The following ZNHIT3 variants were observed in gnomAD, a reference collection of about 807,000 sequenced individuals.
ZNHIT3 encodes the protein zinc finger HIT-type containing 3.
In ZNHIT3, 27 loss-of-function variants were observed where a neutral mutation model predicts 19.9. The observed-to-expected ratio is 1.36, with a 90% CI of 1.00 to 1.87. The LOEUF is 1.87. Ranked by LOEUF, ZNHIT3 falls within the 40% of genes most tolerant of loss-of-function variation. The probability of loss-of-function intolerance (pLI) is 0.00; values close to 1 mark genes in which losing one functional copy is unlikely to be tolerated. For synonymous variants in ZNHIT3, 81 were observed against 65.7 expected (o/e 1.23, Z -1.13); for missense variants, 215 against 185.6 (o/e 1.16, Z -0.92).
downstream of ZNHIT3, among the ~76,000 whole-genome samples, chr17:36,497,011 TGCTG>T (rs933479872): frequency 6.6e-6 from 1 of 152,062 alleles, no homozygotes; most frequent in Admixed American, 6.6e-5. Context: ...TTCCTGAGTG[TGCTG>T]GCTGACTTTT....
At chr17:36,491,664 G>A (rs1599149551) in intron 2 of ZNHIT3, 2 of 152,098 alleles carry the variant, frequency 1.3e-5, no homozygotes, top group Non-Finnish European at 2.9e-5. Flanking sequence ...TTTATTCCTA[G>A]GTAGGTGATC....
intron 4 of ZNHIT3, among the ~76,000 whole-genome samples, chr17:36,494,305 T>G (rs946349614): frequency 6.6e-6 from 1 of 152,214 alleles, no homozygotes; most frequent in African/African-American, 2.4e-5. Context: ...CTTTCAGAAT[T>G]AGGCACTTTT....
downstream of ZNHIT3, chr17:36,496,410 G>C (rs763971586): frequency 6.2e-7 from 1 of 1,613,838 alleles, no homozygotes; most frequent in South Asian, 1.1e-5. Flanking sequence ...TCGATCCCTA[G>C]AGGGGAGAGA....
downstream of ZNHIT3, chr17:36,498,740 C>A: frequency 1.5e-6 from 1 of 654,092 alleles, no homozygotes. Flanking sequence ...ACACCCCAGG[C>A]AACTGTGCTT....
chr17:36,487,300 C>T (rs2070592222), intron 2 of ZNHIT3, among the ~76,000 whole-genome samples: 2 of 152,200 alleles, frequency 1.3e-5, no homozygotes, highest in Non-Finnish European at 2.9e-5. Context: ...GTTTCTTCCT[C>T]AGTATTCTGA....
chr17:36,496,639 G>A (rs1673167195), downstream of ZNHIT3, among the ~76,000 whole-genome samples: 2 of 152,162 alleles, frequency 1.3e-5, no homozygotes, highest in Admixed American at 1.3e-4. Context: ...ACTGCTTAAA[G>A]CCAGAAGGGC....
intron 2 of ZNHIT3, chr17:36,489,267 C>T (rs1416196626): frequency 2.6e-5 from 4 of 152,178 alleles, no homozygotes; most frequent in African/African-American, 9.7e-5. Flanking sequence ...GTGCAGGTAT[C>T]TCTTCGGCAG....
chr17:36,492,517 C>T, intron 2 of ZNHIT3: 1 of 375,814 alleles, frequency 2.7e-6, no homozygotes, highest in Non-Finnish European at 4.8e-6. Context: ...TGGTTTACAG[C>T]AGCTATTTCA....
Position 36,495,539 on chromosome 17 carries a change from G to T in ZNHIT3, c.*135G>T. 7.4e-7 allele frequency: 1 copy of T among 1,345,386 alleles called. No homozygotes were observed. Among genetic ancestry groups the T allele is most frequent in the Non-Finnish European group, 9.5e-7 (1 of 1,051,922 alleles). The allele number at this position is 1,345,386 out of a possible 1,614,324, so 83.3% of individuals were successfully genotyped here. On this transcript the variant is annotated 3_prime_UTR_variant, in exon 5 of 5. Transcript: ENST00000617429. Reference sequence around the variant, plus strand: ...TCCAGGATGCAGATTAGGTCATGCAGGCCTTTACCGGCATTGATGTGGCTC... The same window carrying T: ...TCCAGGATGCAGATTAGGTCATGCATGCCTTTACCGGCATTGATGTGGCTC...
At chr17:36,493,823 A>G in intron 3 of ZNHIT3, 103 bp from the exon 4 acceptor site, 1 of 783,958 alleles carries the variant, frequency 1.3e-6, no homozygotes, top group Non-Finnish European at 2.2e-6. Flanking sequence ...TATCACTATC[A>G]CATGTGCGTG....
chr17:36,496,521 G>A, downstream of ZNHIT3: 1 of 929,734 alleles, frequency 1.1e-6, no homozygotes. Context: ...TACTAGTATT[G>A]GGGGCCACAG....
chr17:36,495,814 A>C lies in ZNHIT3; in HGVS notation c.*410A>C. The C allele has an allele frequency of 8.1e-7, 1 of 1,241,502 alleles. No individual in the cohort carries two copies. Among genetic ancestry groups the C allele is most frequent in the African/African-American group, 1.5e-5 (1 of 64,720 alleles). The allele number at this position is 1,241,502 out of a possible 1,614,324, so 76.9% of individuals were successfully genotyped here. A position where few individuals can be genotyped will look rare whatever the true frequency, so the allele number is the denominator to read the frequency against. Reference sequence around the variant, plus strand: ...TTACATTAAATAAATCAACTAATTAAATACTAAAGTTTTGTTCCTTTTTAA... The same window carrying C: ...TTACATTAAATAAATCAACTAATTACATACTAAAGTTTTGTTCCTTTTTAA... On this transcript the variant is annotated 3_prime_UTR_variant, in exon 5 of 5. Transcript: ENST00000617429.
intron 2 of ZNHIT3, among the ~76,000 whole-genome samples, chr17:36,487,940 T>G (rs543572567): frequency 2.7e-5 from 4 of 148,586 alleles, no homozygotes; most frequent in Non-Finnish European, 4.5e-5. Context: ...CCCGTCTCTA[T>G]AAACAAACAA....
intron 2 of ZNHIT3, among the ~76,000 whole-genome samples, chr17:36,488,049 G>C (rs2070622763): frequency 7.6e-6 from 1 of 131,218 alleles, no homozygotes; most frequent in South Asian, 2.5e-4. Flanking sequence ...AGTGAGCCAG[G>C]ATCGTACCAC....
At chr17:36,492,969 G>C (rs1170110956) in intron 3 of ZNHIT3, 70 bp downstream of exon 3, 1 of 1,425,504 alleles carries the variant, frequency 7.0e-7, no homozygotes, top group African/African-American at 1.4e-5. Flanking sequence ...AAAGGGGAGA[G>C]TGGGGCTGGT....
intron 4 of ZNHIT3, 73 bp downstream of exon 4, chr17:36,494,079 G>A: frequency 1.6e-6 from 2 of 1,254,450 alleles, no homozygotes; most frequent in South Asian, 2.5e-5. Context: ...TTTTTAAAAA[G>A]TTTTTAATTT....
At chr17:36,492,623 C>G (rs1317582662) in intron 2 of ZNHIT3, 190 bp from the exon 3 acceptor site, 2 of 604,592 alleles carry the variant, frequency 3.3e-6, no homozygotes, top group Non-Finnish European at 5.9e-6. Flanking sequence ...GTCCTGCTTT[C>G]TCAGCCTGCT....
chr17:36,495,653 A>T lies in ZNHIT3; in HGVS notation c.*249A>T, dbSNP rs1023297377. On this transcript the variant is annotated 3_prime_UTR_variant, in exon 5 of 5. Transcript: ENST00000617429. ...TCAGATGATTGTTTTTAAATGTTTT[A>T]CTTTTGGTACAGTTGATAGACATCA... 12 of 1,289,312 alleles carry T rather than the reference A, an allele frequency of 9.3e-6. No homozygotes were observed. The African/African-American group carries it at 1.8e-4, about 20-fold the overall frequency. 79.9% of individuals were successfully genotyped at this position (1,289,312 alleles called of 1,614,324 possible).
In ZNHIT3 at chr17:36,492,800, G is replaced by T. The variant is rs113398321; in HGVS notation, c.119-13G>T. ...TGGAGGTAATGTGGGCCTGGGATTT[G>T]TGTCTTTTTCAGAACAGTGCAACCC... On this transcript the variant is annotated splice_polypyrimidine_tract_variant and intron_variant, in intron 2 of 4. Coordinates refer to ENST00000617429, the MANE Select transcript of ZNHIT3 (RefSeq NM_004773.4). 8.1e-6 allele frequency: 13 copies of T among 1,612,432 alleles called. No individual in the cohort carries two copies. The Admixed American group carries it at 1.2e-4, about 15-fold the overall frequency.
Sources: gnomAD v4.1 joint callset for allele counts (sites outside exome capture counted in the v4.1 genomes callset) on GRCh38, gnomAD v4.1.1 for gene constraint, MANE v1.5 for transcripts, NCBI Gene and HGNC (gene_info 2026-07-23, HGNC 2026-07-21) for gene names.